RASA1: variants seen among roughly 807,000 people sequenced by gnomAD.
RASA1 encodes RAS p21 protein activator 1.
RASA1 carries 25 observed loss-of-function variants against 132.2 expected under a neutral mutation model. That is an observed-to-expected ratio of 0.19 (90% CI 0.14 to 0.26). The LOEUF (loss-of-function observed/expected upper bound fraction) is 0.26, where lower values mean the gene tolerates loss of function less well. Among genes scored for constraint, RASA1 ranks in the 10% least tolerant of loss-of-function variants. RASA1 has a pLI of 1.00. For synonymous variants in RASA1, 477 were observed against 449.9 expected (o/e 1.06, Z -0.76); for missense variants, 964 against 1,299.2 (o/e 0.74, Z 3.97).
chr5:87,383,642 T>C, intron 20 of RASA1, 71 bp from the exon 21 acceptor site: 1 of 1,179,052 alleles, frequency 8.5e-7, no homozygotes, highest in Non-Finnish European at 1.2e-6. Flanking sequence ...TGTTTATATA[T>C]ATTGTTTTAA....
rs368500974 is a variant in RASA1 at position 87,385,386 on chromosome 5, T to G, written c.2844T>G (p.Ala948=). Residue 948 remains alanine, a synonymous_variant, in exon 22 of 25, where the codon GCT becomes GCG. Coordinates refer to ENST00000274376, the MANE Select transcript of RASA1 (RefSeq NM_002890.3). The part of the protein sequence containing the change: ...QNLANLVEFG[A]KEPYMEGVNP... ...TAGCAAATCTTGTGGAATTTGGAGC[T>G]AAGGTAAAAACATTTTGATACTTTA... The G allele has an allele frequency of 2.5e-6, 4 of 1,594,222 alleles. No individual in the cohort carries two copies. Among genetic ancestry groups the G allele is most frequent in the Non-Finnish European group, 1.7e-6 (2 of 1,162,566 alleles).
At chr5:87,294,020 CT>C (rs1032460617) in intron 1 of RASA1, among the ~76,000 whole-genome samples, 7 of 151,860 alleles carry the variant, frequency 4.6e-5, no homozygotes, top group African/African-American at 1.5e-4. Context: ...AGAAAAGTTA[CT>C]TTTGGGTTTG....
intron 22 of RASA1, 25 bp from the exon 23 acceptor site, chr5:87,386,801 A>T (rs766240127): frequency 1.4e-5 from 23 of 1,599,204 alleles, no homozygotes; most frequent in Non-Finnish European, 2.0e-5. Flanking sequence ...TCTGGTGCAT[A>T]TAACAGAAGC....
rs1753647874 is a variant in RASA1 at position 87,268,182 on chromosome 5, AGT to A, written c.-266_-265del. On this transcript the variant is annotated 5_prime_UTR_variant, in exon 1 of 25. Coordinates refer to ENST00000274376, the MANE Select transcript of RASA1 (RefSeq NM_002890.3). ...TTCTGTACATGTGTTTGTGTGCGTG[AGT>A]GTGGGTGTGTGCGGTGAGGTTTGGG... 1 of 520,456 alleles carries A rather than the reference AGT, an allele frequency of 1.9e-6. No homozygotes were observed. Among genetic ancestry groups the A allele is most frequent in the Non-Finnish European group, 3.4e-6 (1 of 297,186 alleles). 32.2% of individuals were successfully genotyped at this position (520,456 alleles called of 1,614,324 possible).
chr5:87,309,770 C>T (rs1258750381), intron 1 of RASA1, among the ~76,000 whole-genome samples: 1 of 151,708 alleles, frequency 6.6e-6, no homozygotes, highest in Non-Finnish European at 1.5e-5. Flanking sequence ...TATATATAAA[C>T]CTATAGTTTT....
Position 87,380,750 on chromosome 5 carries a change from GA to G in RASA1, c.2690+158del, listed in dbSNP as rs752119763. Among the ~76,000 whole-genome samples the G allele has an allele frequency of 1.2e-3, 178 of 152,212 alleles. 1 individual carries two copies. The highest frequency in any genetic ancestry group is 3.0e-3 in the Admixed American group (46 of 15,290). On this transcript the variant is annotated intron_variant, in intron 20 of 24. Transcript: ENST00000274376. The stretch of plus-strand genomic sequence containing the variant: ...TCTAAGTCCAGATGGCTCCTAAACT[GA>G]AAGTTACTGTGAGATTTAGCTGCCG...
chr5:87,311,846 G>T (rs1364929147), intron 1 of RASA1, among the ~76,000 whole-genome samples: 1 of 152,202 alleles, frequency 6.6e-6, no homozygotes, highest in African/African-American at 2.4e-5. Context: ...AATCTGTATG[G>T]TGTGGCTGAA....
At chr5:87,335,814 G>A (rs1409845942) in intron 4 of RASA1, among the ~76,000 whole-genome samples, 1 of 152,096 alleles carries the variant, frequency 6.6e-6, no homozygotes, top group Non-Finnish European at 1.5e-5. Flanking sequence ...AAAGGTCAAC[G>A]CATGTTGTTA....
At chr5:87,313,084 A>G (rs1368296259) in intron 1 of RASA1, among the ~76,000 whole-genome samples, 1 of 152,200 alleles carries the variant, frequency 6.6e-6, no homozygotes, top group African/African-American at 2.4e-5. Context: ...TTGAGTGTCA[A>G]CAAGTTGTAT....
intron 8 of RASA1, among the ~76,000 whole-genome samples, chr5:87,350,588 G>A (rs1759191165): frequency 6.6e-6 from 1 of 151,158 alleles, no homozygotes; most frequent in Non-Finnish European, 1.5e-5. Context: ...CTACATACTG[G>A]AGGAAGTCGG....
intron 1 of RASA1, among the ~76,000 whole-genome samples, chr5:87,302,919 T>G (rs1264879658): frequency 2.6e-5 from 4 of 152,150 alleles, no homozygotes; most frequent in East Asian, 3.8e-4. Context: ...TGAACGTATT[T>G]GCCTGTGTTT....
rs765201844 is a variant in RASA1, at chr5:87,269,241, G to A, written c.539+251G>A. The A allele has an allele frequency of 4.5e-6, 7 of 1,546,234 alleles. No individual in the cohort carries two copies. The South Asian group carries it at 5.9e-5, about 13-fold the overall frequency. ...TTTAAGATGGAAAGCATGAGAAAAT[G>A]TGTATCTAATGAGAACCGGATATAG... is the stretch of plus-strand genomic sequence containing the variant. On this transcript the variant is annotated intron_variant, in intron 1 of 24. Transcript: ENST00000274376.
intron 5 of RASA1, among the ~76,000 whole-genome samples, chr5:87,338,717 T>G (rs1332877059): frequency 6.6e-6 from 1 of 151,026 alleles, no homozygotes; most frequent in Non-Finnish European, 1.5e-5. Flanking sequence ...CTTTTCTTCC[T>G]CATAAGTGAA....
chr5:87,343,987 T>C (rs946431237), intron 6 of RASA1, among the ~76,000 whole-genome samples: 31 of 152,154 alleles, frequency 2.0e-4, no homozygotes, highest in African/African-American at 7.5e-4. Context: ...ATACCATGTG[T>C]TCTCACTCAT....
chr5:87,319,649 G>A (rs934932833), intron 1 of RASA1, among the ~76,000 whole-genome samples: 5 of 152,192 alleles, frequency 3.3e-5, no homozygotes, highest in African/African-American at 1.2e-4. Flanking sequence ...AGGGCTCTGG[G>A]ACTGGCCCAT....
chr5:87,279,260 T>C (rs886315663), intron 1 of RASA1, among the ~76,000 whole-genome samples: 3 of 152,154 alleles, frequency 2.0e-5, no homozygotes, highest in Non-Finnish European at 4.4e-5. Context: ...AATCAAATAG[T>C]ATGTAACCTT....
chr5:87,324,961 T>G (rs539250758), intron 1 of RASA1, among the ~76,000 whole-genome samples: 1 of 152,328 alleles, frequency 6.6e-6, no homozygotes, highest in East Asian at 1.9e-4. Context: ...TTTTTTATTT[T>G]TTTTTAACCT....
chr5:87,320,147 T>G (rs966734617), intron 1 of RASA1, among the ~76,000 whole-genome samples: 1 of 152,186 alleles, frequency 6.6e-6, no homozygotes, highest in Admixed American at 6.5e-5. Context: ...TGAGACCACA[T>G]CAGCCTGGAT....
At chr5:87,272,408 T>C (rs1753885556) in intron 1 of RASA1, among the ~76,000 whole-genome samples, 1 of 152,156 alleles carries the variant, frequency 6.6e-6, no homozygotes, top group Non-Finnish European at 1.5e-5. Context: ...TGGTTAAGCG[T>C]GCAGATTCTG....
Sources: allele counts gnomAD v4.1 joint callset (sites outside exome capture counted in the v4.1 genomes callset), GRCh38; gene constraint gnomAD v4.1.1; transcripts MANE v1.5; gene names NCBI Gene and HGNC (gene_info 2026-07-23, HGNC 2026-07-21).